PRKCE: variants seen among roughly 807,000 people sequenced by gnomAD.
PRKCE encodes protein kinase C epsilon, also known as protein kinase C epsilon type.
PRKCE carries 16 observed loss-of-function variants against 85.4 expected under a neutral mutation model. That is an observed-to-expected ratio of 0.19 (90% CI 0.13 to 0.28). The LOEUF is 0.28. Among genes scored for constraint, PRKCE ranks in the 10% least tolerant of loss-of-function variants. The pLI is 1.00. For synonymous variants in PRKCE, 388 were observed against 371.5 expected, an observed-to-expected ratio of 1.04 and a Z score of -0.51; for missense variants, 573 against 975.2, an observed-to-expected ratio of 0.59 and a Z score of 5.49.
chr2:45,739,394 T>C (rs1435011896), intron 1 of PRKCE, among the ~76,000 whole-genome samples: 4 of 152,180 alleles, frequency 2.6e-5, no homozygotes, highest in Non-Finnish European at 5.9e-5. Flanking sequence ...GGGGCAGCTG[T>C]TGACTCAGTC....
intron 2 of PRKCE, among the ~76,000 whole-genome samples, chr2:45,896,413 C>G (rs1236276589): frequency 6.6e-6 from 1 of 152,188 alleles, no homozygotes; most frequent in Non-Finnish European, 1.5e-5. Context: ...AGAGTTTTTG[C>G]TCCATTCTGT....
At chr2:45,892,895 AC>A (rs1043258679) in intron 2 of PRKCE, among the ~76,000 whole-genome samples, 2 of 151,954 alleles carry the variant, frequency 1.3e-5, no homozygotes, top group African/African-American at 2.4e-5. Flanking sequence ...TCAGTAATGT[AC>A]CCCCCGGGGT....
chr2:45,842,020 G>A (rs1167249113), intron 1 of PRKCE, among the ~76,000 whole-genome samples: 1 of 152,156 alleles, frequency 6.6e-6, no homozygotes, highest in African/African-American at 2.4e-5. Context: ...TTGTGGAGGC[G>A]GAGAGGCTAG....
intron 1 of PRKCE, among the ~76,000 whole-genome samples, chr2:45,698,463 G>T (rs1166501801): frequency 2.0e-5 from 3 of 152,032 alleles, no homozygotes; most frequent in South Asian, 4.2e-4. Flanking sequence ...TAAGAGGCTC[G>T]ATTTTGCCCA....
chr2:46,094,258 TC>T (rs1212721330), intron 11 of PRKCE, among the ~76,000 whole-genome samples: 1 of 152,184 alleles, frequency 6.6e-6, no homozygotes, highest in Non-Finnish European at 1.5e-5. Flanking sequence ...AGCTCCTGGT[TC>T]CAGTATTCCT....
chr2:46,114,771 C>T (rs554873638), intron 11 of PRKCE, among the ~76,000 whole-genome samples: 5 of 152,132 alleles, frequency 3.3e-5, no homozygotes, highest in African/African-American at 7.2e-5. Flanking sequence ...CAAGAAAGCC[C>T]GTTCACTGTG....
At chr2:46,094,635 G>T in intron 11 of PRKCE, among the ~76,000 whole-genome samples, 1 of 125,942 alleles carries the variant, frequency 7.9e-6, no homozygotes, top group African/African-American at 3.0e-5. Context: ...CGGGGATGGG[G>T]TTGGGAGGGT....
chr2:45,786,704 TG>T lies in PRKCE; in HGVS notation c.349-56291del, dbSNP rs1413815377. 6.6e-6 allele frequency among the ~76,000 whole-genome samples: 1 copy of T among 152,148 alleles called. No homozygotes were observed. The highest frequency in any genetic ancestry group is 1.5e-5 in the Non-Finnish European group (1 of 68,020). Reference sequence around the variant, plus strand: ...ATCAAGGAACAGCAGCAAACCTTACTGGGGGTTCACCCTGTGCCAAGCAGGC... The same window carrying T: ...ATCAAGGAACAGCAGCAAACCTTACTGGGGTTCACCCTGTGCCAAGCAGGC... On this transcript the variant is annotated intron_variant, in intron 1 of 14. Coordinates refer to ENST00000306156, the MANE Select transcript of PRKCE (RefSeq NM_005400.3). The surrounding 1 kb of genome is among the most constrained non-coding windows in gnomAD (Gnocchi z 5.3).
At chr2:45,701,567 A>T (rs1678642139) in intron 1 of PRKCE, 1 of 152,186 alleles carries the variant, frequency 6.6e-6, no homozygotes, top group South Asian at 2.1e-4. Flanking sequence ...GGCAGTTTTG[A>T]TTTTGATACC....
intron 11 of PRKCE, among the ~76,000 whole-genome samples, chr2:46,129,855 T>C (rs904942540): frequency 2.6e-5 from 4 of 152,270 alleles, no homozygotes; most frequent in Admixed American, 2.6e-4. Context: ...AATTGTTTTA[T>C]AGTTTATACT....
intron 2 of PRKCE, among the ~76,000 whole-genome samples, chr2:45,917,474 G>C (rs1376794622): frequency 6.6e-6 from 1 of 152,200 alleles, no homozygotes. Context: ...CCCTGAGCTA[G>C]ACACAGGGTG....
chr2:45,910,906 G>C (rs1697336481), intron 2 of PRKCE, among the ~76,000 whole-genome samples: 1 of 152,210 alleles, frequency 6.6e-6, no homozygotes, highest in African/African-American at 2.4e-5. Context: ...CTGGCAAGCA[G>C]AGCGTGCCGT....
intron 11 of PRKCE, among the ~76,000 whole-genome samples, chr2:46,091,719 T>TA (rs1670188040): frequency 3.3e-5 from 5 of 152,246 alleles, no homozygotes; most frequent in Admixed American, 2.6e-4. Context: ...TTTAAATAAA[T>TA]ACCACCTGCC....
At chr2:45,893,014 C>G (rs545306271) in intron 2 of PRKCE, among the ~76,000 whole-genome samples, 16 of 152,298 alleles carry the variant, frequency 1.1e-4, no homozygotes, top group African/African-American at 3.6e-4. Flanking sequence ...CCTCATTCCG[C>G]TGCACAGAGA....
At chr2:45,718,768 C>A (rs1401681476) in intron 1 of PRKCE, among the ~76,000 whole-genome samples, 2 of 152,130 alleles carry the variant, frequency 1.3e-5, no homozygotes, top group African/African-American at 4.8e-5. Flanking sequence ...TGCAGAAAAC[C>A]CAACTCTATG....
At chr2:45,792,549 G>A (rs1687114027) in intron 1 of PRKCE, among the ~76,000 whole-genome samples, 1 of 152,108 alleles carries the variant, frequency 6.6e-6, no homozygotes, top group South Asian at 2.1e-4. Context: ...CTAACACGCA[G>A]GAGAGATGCT....
At chr2:46,163,742 G>T (rs151015527) in intron 14 of PRKCE, among the ~76,000 whole-genome samples, 2,234 of 137,650 alleles carry the variant, frequency 0.016, 50 homozygotes, top group Non-Finnish European at 0.025. Flanking sequence ...TGGGGAAGCT[G>T]AGGCGTACCC....
intron 2 of PRKCE, among the ~76,000 whole-genome samples, chr2:45,922,087 G>A (rs1558837439): frequency 6.6e-6 from 1 of 152,104 alleles, no homozygotes; most frequent in African/African-American, 2.4e-5. Context: ...TTTCTTAAGG[G>A]CATCACTTGG....
intron 2 of PRKCE, among the ~76,000 whole-genome samples, chr2:45,948,325 C>T (rs1483451687): frequency 6.6e-6 from 1 of 152,136 alleles, no homozygotes; most frequent in African/African-American, 2.4e-5. Flanking sequence ...ACCTAATAAA[C>T]CATAGTTAGC....
Sources: allele counts gnomAD v4.1 joint callset (sites outside exome capture counted in the v4.1 genomes callset), GRCh38; gene constraint gnomAD v4.1.1; non-coding constraint Gnocchi (gnomAD v3.1); transcripts MANE v1.5; gene names NCBI Gene and HGNC (gene_info 2026-07-23, HGNC 2026-07-21).